Variants in INTU observed in about 807,000 individuals in gnomAD.
INTU encodes protein inturned.
A neutral mutation model predicts 100.5 loss-of-function variants in INTU; 68 were observed. The ratio of observed to expected loss-of-function variants is 0.68; its 90% CI spans 0.56 to 0.83. INTU has a LOEUF of 0.83. Ranked by LOEUF, INTU falls within the 40% of genes least tolerant of loss-of-function variation. The pLI is 0.00. For synonymous variants in INTU, 357 were observed against 395.7 expected (o/e 0.90, Z 1.16); for missense variants, 1,071 against 1,114.7 (o/e 0.96, Z 0.56).
intron 6 of INTU, among the ~76,000 whole-genome samples, chr4:127,677,210 A>C (rs1345105874): frequency 1.3e-5 from 2 of 152,216 alleles, no homozygotes; most frequent in Non-Finnish European, 2.9e-5. Flanking sequence ...ACCTCTGCAG[A>C]CTTAAATGTC....
In INTU at chr4:127,655,025, G is replaced by A. The variant is rs908261557; in HGVS notation, c.683-1611G>A. Among the ~76,000 whole-genome samples the A allele has an allele frequency of 7.9e-5, 12 of 151,928 alleles. No homozygotes were observed. The South Asian group carries it at 1.0e-3, about 13-fold the overall frequency. On this transcript the variant is annotated intron_variant, in intron 2 of 15. Transcript: ENST00000335251. ...TCCAGTTGATTGCATCGGCTCCTGA[G>A]GCTTCTGCATTCTTCACGTAGTTCT...
At chr4:127,637,174 C>G (rs1206153582) in intron 1 of INTU, among the ~76,000 whole-genome samples, 1 of 152,194 alleles carries the variant, frequency 6.6e-6, no homozygotes, top group African/African-American at 2.4e-5. Flanking sequence ...TGCCTCTTGC[C>G]TGTTTCCCAT....
Position 127,721,577 on chromosome 4 carries a change from C to G in INTU, c.*5141C>G, listed in dbSNP as rs987408906. 1 of 152,170 alleles carries G rather than the reference C, an allele frequency of 6.6e-6. No homozygotes were observed. The highest frequency in any genetic ancestry group is 2.4e-5 in the African/African-American group (1 of 41,440). 9.4% of individuals were successfully genotyped at this position (152,170 alleles called of 1,614,324 possible). On this transcript the variant is annotated 3_prime_UTR_variant, in exon 16 of 16. Coordinates refer to ENST00000335251, the MANE Select transcript of INTU (RefSeq NM_015693.4). ...CAGAAGTGTGTTTTCCAACTTGGTT[C>G]CATTCTTCTGTCTCTTTCAGGTATA...
chr4:127,709,713 A>T (rs1731022740), intron 13 of INTU, among the ~76,000 whole-genome samples: 1 of 128,254 alleles, frequency 7.8e-6, no homozygotes, highest in African/African-American at 3.9e-5. Context: ...AATAGAATTC[A>T]CACACACACA....
intron 6 of INTU, among the ~76,000 whole-genome samples, chr4:127,681,378 C>A (rs1729539088): frequency 1.3e-5 from 2 of 152,316 alleles, no homozygotes; most frequent in Non-Finnish European, 2.9e-5. Context: ...GTAACCACAA[C>A]AGCATGGTAC....
chr4:127,633,328 A>G, intron 1 of INTU, 148 bp downstream of exon 1: 6 of 773,090 alleles, frequency 7.8e-6, no homozygotes, highest in Non-Finnish European at 1.0e-5. Context: ...ACCACGTTCC[A>G]TTGTATGGTG....
intron 12 of INTU, among the ~76,000 whole-genome samples, chr4:127,708,086 A>T (rs1730961383): frequency 6.6e-6 from 1 of 152,232 alleles, no homozygotes; most frequent in African/African-American, 2.4e-5. Context: ...ATCACAGTCG[A>T]TGGAATTGGT....
Position 127,700,037 on chromosome 4 carries a change from T to A in INTU, c.1477T>A (p.Leu493Met). The change falls in exon 9 of 16, where the codon TTG becomes ATG. Residue 493 changes from leucine (L) to methionine (M), a missense_variant. Coordinates refer to ENST00000335251, the MANE Select transcript of INTU (RefSeq NM_015693.4). ...KMELDMALSD[L>M]EAADFAELSE... ...GGAATTAGACATGGCATTAAGTGAC[T>A]TGGAGGCTGCAGATTTTGCAGAACT... 4 of 1,606,932 alleles carry A rather than the reference T, an allele frequency of 2.5e-6. No individual in the cohort carries two copies. Among genetic ancestry groups the A allele is most frequent in the Non-Finnish European group, 3.4e-6 (4 of 1,176,660 alleles).
chr4:127,707,412 A>G (rs1483285793), intron 12 of INTU, among the ~76,000 whole-genome samples: 6 of 151,108 alleles, frequency 4.0e-5, no homozygotes, highest in Non-Finnish European at 7.4e-5. Flanking sequence ...AAAAAAAAAA[A>G]AAAAAGAAAT....
At chr4:127,691,962 G>GTGTGTGTATATATATA in intron 8 of INTU, among the ~76,000 whole-genome samples, 2 of 98,262 alleles carry the variant, frequency 2.0e-5, no homozygotes, top group African/African-American at 8.0e-5. Flanking sequence ...TCCATGGTAT[G>GTGTGTGTATATATATA]TATATATATA....
rs1560847910 is a variant in INTU, at chr4:127,669,132, G to GT, written c.1070dup (p.Thr358AsnfsTer7). 4 of 1,530,004 alleles carry GT rather than the reference G, an allele frequency of 2.6e-6. No homozygotes were observed. Among genetic ancestry groups the GT allele is most frequent in the Non-Finnish European group, 3.6e-6 (4 of 1,123,878 alleles). The allele number at this position is 1,530,004 out of a possible 1,614,324, so 94.8% of individuals were successfully genotyped here. On this transcript the variant is annotated frameshift_variant, in exon 5 of 16. Transcript: ENST00000335251. LOFTEE classifies it high-confidence loss of function. ...CACACTCTGTGACATGCTGGAAAAC[G>GT]TAACTGGGACACAAGTTACTAGGTA...
At position 127,721,498 on chromosome 4, in the gene INTU, A is replaced by G. The variant is rs1377125217; in HGVS notation, c.*5062A>G. On this transcript the variant is annotated 3_prime_UTR_variant, in exon 16 of 16. Transcript: ENST00000335251. The stretch of plus-strand genomic sequence containing the variant: ...GTATTGGGGTTCTCTGGATTTCCTG[A>G]ATTTGAATGTTGGCCTGTCTTGCTA... 2 of 152,084 alleles carry G rather than the reference A, an allele frequency of 1.3e-5. No individual in the cohort carries two copies. The highest frequency in any genetic ancestry group is 2.9e-5 in the Non-Finnish European group (2 of 68,016). The allele number at this position is 152,084 out of a possible 1,614,324, so 9.4% of individuals were successfully genotyped here.
chr4:127,690,098 T>C (rs572920220), intron 8 of INTU, among the ~76,000 whole-genome samples: 1 of 152,332 alleles, frequency 6.6e-6, no homozygotes, highest in East Asian at 1.9e-4. Context: ...GTTTAGAATT[T>C]AGATACATTA....
At chr4:127,674,096 AC>A in intron 5 of INTU, 27 bp from the exon 6 acceptor site, 1 of 1,461,774 alleles carries the variant, frequency 6.8e-7, no homozygotes, top group Non-Finnish European at 9.5e-7. Flanking sequence ...AGGTATTCTA[AC>A]CTTATTTTGA....
intron 8 of INTU, among the ~76,000 whole-genome samples, chr4:127,689,230 C>T (rs544152870): frequency 9.9e-5 from 15 of 151,994 alleles, no homozygotes; most frequent in African/African-American, 2.9e-4. Context: ...GCAATCTGCC[C>T]GCCTCAGTCT....
intron 8 of INTU, among the ~76,000 whole-genome samples, chr4:127,692,784 A>G (rs1730210368): frequency 6.6e-6 from 1 of 152,190 alleles, no homozygotes; most frequent in African/African-American, 2.4e-5. Flanking sequence ...ATCAGGATCC[A>G]GTTTCATTCT....
chr4:127,648,325 G>A (rs1727681842), intron 2 of INTU, among the ~76,000 whole-genome samples: 1 of 152,156 alleles, frequency 6.6e-6, no homozygotes, highest in South Asian at 2.1e-4. Flanking sequence ...GAAAACAAAT[G>A]TCTGGGAGAA....
At chr4:127,704,459 G>A (rs1273240493) in intron 10 of INTU, among the ~76,000 whole-genome samples, 169 bp downstream of exon 10, 1 of 152,100 alleles carries the variant, frequency 6.6e-6, no homozygotes, top group Admixed American at 6.5e-5. Flanking sequence ...TGCCACCTAG[G>A]CTGGAGTACG....
Position 127,704,220 on chromosome 4 carries a change from T to G in INTU, c.1504-8T>G. On this transcript the variant is annotated splice_region_variant and splice_polypyrimidine_tract_variant and intron_variant, in intron 9 of 15. Transcript: ENST00000335251. ...AAATATAAAATCCACTATGAATTTT[T>G]CCCCCAGTCCGAGGATTACTATGAC... 6.2e-7 allele frequency: 1 copy of G among 1,601,420 alleles called. No homozygotes were observed. The highest frequency in any genetic ancestry group is 8.5e-7 in the Non-Finnish European group (1 of 1,173,374).
Sources: allele counts gnomAD v4.1 joint callset (sites outside exome capture counted in the v4.1 genomes callset), GRCh38; gene constraint gnomAD v4.1.1; transcripts MANE v1.5; gene names NCBI Gene and HGNC (gene_info 2026-07-23, HGNC 2026-07-21).